The following SPATA13 variants were observed in gnomAD, a reference collection of about 807,000 sequenced individuals.
The protein encoded by SPATA13 is spermatogenesis associated 13, also known as spermatogenesis-associated protein 13.
A neutral mutation model predicts 104.0 loss-of-function variants in SPATA13; 50 were observed. The ratio of observed to expected loss-of-function variants is 0.48; its 90% CI spans 0.38 to 0.61. The LOEUF (loss-of-function observed/expected upper bound fraction) is 0.61. Ranked by LOEUF, SPATA13 falls within the 20% of genes least tolerant of loss-of-function variation. The pLI, the probability that SPATA13 is intolerant of heterozygous loss-of-function variation, is 0.00. For missense variants in SPATA13, 1,524 were observed against 1,690.6 expected (o/e 0.90, Z 1.73); for synonymous variants, 606 against 667.5 (o/e 0.91, Z 1.42).
intron 3 of SPATA13, among the ~76,000 whole-genome samples, chr13:24,080,279 G>A (rs1399718691): frequency 6.6e-6 from 1 of 152,180 alleles, no homozygotes; most frequent in Non-Finnish European, 1.5e-5. Context: ...GTTTACTGCT[G>A]TAAACAAATG....
intron 3 of SPATA13, among the ~76,000 whole-genome samples, chr13:24,137,461 A>G (rs906681429): frequency 1.3e-5 from 2 of 152,240 alleles, no homozygotes; most frequent in Non-Finnish European, 2.9e-5. Context: ...CTTACATAAT[A>G]TCAAGAAGTA....
chr13:23,982,618 T>C (rs1317422991), intron 1 of SPATA13, among the ~76,000 whole-genome samples: 2 of 152,208 alleles, frequency 1.3e-5, no homozygotes, highest in African/African-American at 4.8e-5. Context: ...ACCTATTTCA[T>C]AGGTAGAAAA....
intron 1 of SPATA13, among the ~76,000 whole-genome samples, chr13:24,209,278 G>A (rs1870884464): frequency 1.3e-5 from 2 of 152,202 alleles, no homozygotes; most frequent in Non-Finnish European, 2.9e-5. Flanking sequence ...TAGGCTTTTA[G>A]TTGTCTCAGA....
At chr13:24,216,221 T>C (rs1358781429) in intron 1 of SPATA13, among the ~76,000 whole-genome samples, 2 of 152,144 alleles carry the variant, frequency 1.3e-5, no homozygotes, top group African/African-American at 4.8e-5. Flanking sequence ...CCCTTTCATC[T>C]CTCACTACAC....
chr13:24,095,293 T>G (rs576894848), intron 3 of SPATA13, among the ~76,000 whole-genome samples: 1 of 152,366 alleles, frequency 6.6e-6, no homozygotes, highest in African/African-American at 2.4e-5. Context: ...GACATTACAC[T>G]AAGTGAAATA....
intron 3 of SPATA13, among the ~76,000 whole-genome samples, chr13:24,125,527 C>T (rs1383572587): frequency 6.6e-6 from 1 of 152,104 alleles, no homozygotes; most frequent in Non-Finnish European, 1.5e-5. Flanking sequence ...CCTAAACCAC[C>T]CCCAGCACAG....
At chr13:24,050,102 C>A (rs1007241510) in intron 3 of SPATA13, among the ~76,000 whole-genome samples, 6 of 152,048 alleles carry the variant, frequency 3.9e-5, no homozygotes, top group Non-Finnish European at 8.8e-5. Flanking sequence ...GAACTCCTGA[C>A]CTTGTGATCC....
chr13:24,221,412 G>A (rs1438893313), intron 1 of SPATA13, among the ~76,000 whole-genome samples: 1 of 152,136 alleles, frequency 6.6e-6, no homozygotes, highest in African/African-American at 2.4e-5. Context: ...TATTGAGAAC[G>A]GGGGGCTGAG....
At chr13:24,104,521 G>A (rs565506673) in intron 3 of SPATA13, among the ~76,000 whole-genome samples, 7 of 152,250 alleles carry the variant, frequency 4.6e-5, no homozygotes, top group African/African-American at 9.6e-5. Flanking sequence ...CTTCATCTTC[G>A]TGGATAGATA....
intron 1 of SPATA13, among the ~76,000 whole-genome samples, chr13:24,192,931 AT>A (rs1053683246): frequency 1.6e-4 from 24 of 152,158 alleles, no homozygotes; most frequent in African/African-American, 5.8e-4. Context: ...GAGGAAAAGG[AT>A]TCTTTCCTCC....
At chr13:24,090,117 AT>A (rs34240045) in intron 3 of SPATA13, among the ~76,000 whole-genome samples, 5 of 151,296 alleles carry the variant, frequency 3.3e-5, no homozygotes, top group African/African-American at 4.9e-5. Flanking sequence ...GACTTCCTTT[AT>A]TTTTTTTTCT....
intron 2 of SPATA13, among the ~76,000 whole-genome samples, chr13:24,005,543 A>C (rs1464470849): frequency 6.6e-6 from 1 of 152,058 alleles, no homozygotes; most frequent in Non-Finnish European, 1.5e-5. Flanking sequence ...CTTGGTGAAA[A>C]AGGGCCATTA....
At position 24,223,938 on chromosome 13, in the gene SPATA13, C is replaced by G. The variant is rs559361839; in HGVS notation, c.1009C>G (p.Pro337Ala). 1.2e-5 allele frequency: 19 copies of G among 1,550,890 alleles called. No individual in the cohort carries two copies. The highest frequency in any genetic ancestry group is 2.0e-5 in the Admixed American group (1 of 50,980). The change falls in exon 2 of 13, where the codon CCT becomes GCT. Residue 337 changes from proline to alanine, a missense_variant. By Grantham distance (27) the Pro-to-Ala change is conservative. This residue lies in a region of SPATA13 where 1,089 missense variants were observed against 1,135.9 expected (regional missense o/e 0.96). Transcript: ENST00000382108. ...TGAGGCTGCCTGGAGGAGGGAGAGT[C>G]CTAGGAGTGGGGCCCCATCCCCTGG... ...VTEAAWRRES[P>A]RSGAPSPGEA...
chr13:24,029,365 T>C (rs1257128063), intron 3 of SPATA13, among the ~76,000 whole-genome samples: 1 of 116,854 alleles, frequency 8.6e-6, no homozygotes, highest in African/African-American at 3.3e-5. Context: ...TAGCTTACAT[T>C]TTTTTAGACA....
chr13:24,280,866 C>T (rs992156659), intron 4 of SPATA13, among the ~76,000 whole-genome samples: 4 of 152,176 alleles, frequency 2.6e-5, no homozygotes, highest in African/African-American at 9.7e-5. Flanking sequence ...TGACCTCCTG[C>T]TCTCCGACTG....
chr13:24,108,662 G>A lies in SPATA13; in HGVS notation c.-112+90961G>A, dbSNP rs113474651. ...AAATGCCGGCTGCTTTTCATGGTAG[G>A]GGGGGGGAAGCCTGATGCTGGGACC... is the stretch of plus-strand genomic sequence containing the variant. On this transcript the variant is annotated intron_variant, in intron 3 of 14. Coordinates refer to the SPATA13 transcript ENST00000424834. Among the ~76,000 whole-genome samples, 10 of 75,880 alleles carry A rather than the reference G, an allele frequency of 1.3e-4. No homozygotes were observed. In the South Asian group the frequency reaches 3.5e-3, roughly 27 times the overall value. The allele number at this position is 75,880 out of a possible 152,430, so 49.8% of individuals were successfully genotyped here.
chr13:24,201,358 TC>T, intron 1 of SPATA13, among the ~76,000 whole-genome samples: 1 of 152,304 alleles, frequency 6.6e-6, no homozygotes, highest in Admixed American at 6.5e-5. Context: ...TTTATTATTA[TC>T]ATTTTGCATT....
intron 2 of SPATA13, among the ~76,000 whole-genome samples, chr13:24,242,743 G>T (rs1327259673): frequency 3.3e-5 from 5 of 152,094 alleles, no homozygotes; most frequent in African/African-American, 4.8e-5. Flanking sequence ...TGTCATTAAG[G>T]CTCAAACTTA....
intron 1 of SPATA13, among the ~76,000 whole-genome samples, chr13:24,192,752 G>A (rs1490590890): frequency 6.6e-6 from 1 of 152,078 alleles, no homozygotes; most frequent in Non-Finnish European, 1.5e-5. Flanking sequence ...GATTTGTTGT[G>A]GAAGGGGTGC....
Sources: allele counts gnomAD v4.1 joint callset (sites outside exome capture counted in the v4.1 genomes callset), GRCh38; gene constraint gnomAD v4.1.1; regional missense constraint gnomAD v4.1.1; transcripts MANE v1.5; gene names NCBI Gene and HGNC (gene_info 2026-07-23, HGNC 2026-07-21).